The following CAMKMT variants were observed in gnomAD, a reference collection of about 807,000 sequenced individuals.
CAMKMT encodes the protein CaM KMT.
Under a neutral mutation model 48.0 loss-of-function variants are expected in CAMKMT, and 53 were observed. That is an observed-to-expected ratio of 1.10 (90% CI 0.89 to 1.39). The LOEUF (loss-of-function observed/expected upper bound fraction) is 1.39, where lower values mean the gene tolerates loss of function less well. Ranked by LOEUF, CAMKMT falls within the 40% of genes most tolerant of loss-of-function variation. The pLI is 0.00. For missense variants in CAMKMT, 428 were observed against 402.7 expected, an observed-to-expected ratio of 1.06 and a Z score of -0.54; for synonymous variants, 165 against 152.3, an observed-to-expected ratio of 1.08 and a Z score of -0.61.
chr2:44,444,111 A>G (rs1277828467), intron 3 of CAMKMT, among the ~76,000 whole-genome samples: 1 of 152,192 alleles, frequency 6.6e-6, no homozygotes, highest in Non-Finnish European at 1.5e-5. Flanking sequence ...GATTTATTCT[A>G]AACTTTTCTA....
At chr2:44,367,003 G>A (rs1178902766) in intron 1 of CAMKMT, among the ~76,000 whole-genome samples, 6 of 152,124 alleles carry the variant, frequency 3.9e-5, no homozygotes, top group East Asian at 3.8e-4. Context: ...GGGATTACAC[G>A]TGTGAGCCAC....
At chr2:44,506,201 C>T (rs183969204) in intron 3 of CAMKMT, among the ~76,000 whole-genome samples, 262 of 152,086 alleles carry the variant, frequency 1.7e-3, no homozygotes, top group African/African-American at 6.0e-3. Context: ...AAAGAAGGAG[C>T]AAATGGTAAA....
intron 3 of CAMKMT, among the ~76,000 whole-genome samples, chr2:44,427,263 G>A (rs1437231404): frequency 6.6e-6 from 1 of 152,104 alleles, no homozygotes; most frequent in Non-Finnish European, 1.5e-5. Flanking sequence ...AATAATGTAC[G>A]ACCAAGTCCT....
At chr2:44,547,662 G>T (rs1472568287) in intron 3 of CAMKMT, among the ~76,000 whole-genome samples, 1 of 152,088 alleles carries the variant, frequency 6.6e-6, no homozygotes, top group African/African-American at 2.4e-5. Context: ...TTGGGGTCTG[G>T]AATACCCAGG....
intron 2 of CAMKMT, among the ~76,000 whole-genome samples, chr2:44,386,666 C>G (rs190035378): frequency 6.6e-6 from 1 of 152,220 alleles, no homozygotes; most frequent in East Asian, 1.9e-4. Context: ...TATGAACTTT[C>G]CTCTTAGCAT....
chr2:44,642,022 C>G (rs1327859617), intron 3 of CAMKMT, among the ~76,000 whole-genome samples: 1 of 152,214 alleles, frequency 6.6e-6, no homozygotes, highest in Non-Finnish European at 1.5e-5. Flanking sequence ...CTCTGGCTTA[C>G]TATTCTGAAA....
At chr2:44,547,711 A>T (rs1160893807) in intron 3 of CAMKMT, among the ~76,000 whole-genome samples, 1 of 151,008 alleles carries the variant, frequency 6.6e-6, no homozygotes, top group African/African-American at 2.4e-5. Context: ...CCTCATTTGA[A>T]ATAATACCCA....
At chr2:44,536,629 C>T (rs1418938957) in intron 3 of CAMKMT, among the ~76,000 whole-genome samples, 2 of 151,840 alleles carry the variant, frequency 1.3e-5, no homozygotes, top group African/African-American at 4.8e-5. Flanking sequence ...CACCTGGCCT[C>T]CAACGTTATT....
chr2:44,574,389 A>C (rs933965541), intron 3 of CAMKMT, among the ~76,000 whole-genome samples: 3 of 152,150 alleles, frequency 2.0e-5, no homozygotes, highest in Non-Finnish European at 2.9e-5. Flanking sequence ...ATTATCTGAT[A>C]TCTAGCCCTA....
intron 9 of CAMKMT, among the ~76,000 whole-genome samples, chr2:44,766,181 T>C (rs1680834308): frequency 6.6e-6 from 1 of 152,198 alleles, no homozygotes; most frequent in South Asian, 2.1e-4. Flanking sequence ...CCACATTTTG[T>C]TTTTTATAAG....
At chr2:44,709,029 A>C (rs1573131440) in intron 6 of CAMKMT, among the ~76,000 whole-genome samples, 1 of 152,166 alleles carries the variant, frequency 6.6e-6, no homozygotes, top group African/African-American at 2.4e-5. Flanking sequence ...GAGCTAAACT[A>C]CAGAGCTTCC....
At chr2:44,391,296 A>C (rs1572730235) in intron 3 of CAMKMT, among the ~76,000 whole-genome samples, 1 of 152,322 alleles carries the variant, frequency 6.6e-6, no homozygotes, top group Non-Finnish European at 1.5e-5. Flanking sequence ...AAATGTCCTT[A>C]AATTATCCTA....
chr2:44,407,208 GT>G (rs747106616), intron 3 of CAMKMT, among the ~76,000 whole-genome samples: 2 of 152,116 alleles, frequency 1.3e-5, no homozygotes, highest in Admixed American at 6.5e-5. Context: ...GTCTTAGAGA[GT>G]TTTTTTCAAT....
At position 44,556,539 on chromosome 2, in the gene CAMKMT, G is replaced by A. The variant is rs1572791042; in HGVS notation, c.377-147744G>A. 8.6e-5 allele frequency among the ~76,000 whole-genome samples: 2 copies of A among 23,264 alleles called. 1 individual carries two copies. The highest frequency in any genetic ancestry group is 2.0e-4 in the Non-Finnish European group (2 of 9,976). 15.3% of individuals were successfully genotyped at this position (23,264 alleles called of 152,430 possible). ...CTGCGGACTGCAGTGGCGCAATCTC[G>A]GCTCACTGCAAGCTCCGCTTCCCGG... On this transcript the variant is annotated intron_variant, in intron 3 of 10. Coordinates refer to ENST00000378494, the MANE Select transcript of CAMKMT (RefSeq NM_024766.5).
At chr2:44,393,002 T>C (rs1681494265) in intron 3 of CAMKMT, among the ~76,000 whole-genome samples, 1 of 152,140 alleles carries the variant, frequency 6.6e-6, no homozygotes, top group South Asian at 2.1e-4. Context: ...AACTAAAACA[T>C]TTTCTAGTCA....
At chr2:44,698,946 T>C (rs1677114467) in intron 3 of CAMKMT, among the ~76,000 whole-genome samples, 1 of 152,216 alleles carries the variant, frequency 6.6e-6, no homozygotes, top group Non-Finnish European at 1.5e-5. Flanking sequence ...CAGGAATTGA[T>C]TCCATCTTAA....
intron 3 of CAMKMT, among the ~76,000 whole-genome samples, chr2:44,409,082 T>C (rs1183641579): frequency 4.5e-3 from 3 of 666 alleles, no homozygotes; most frequent in Non-Finnish European, 7.8e-3. Context: ...TTTCAGCCGA[T>C]ATATATATAT....
intron 3 of CAMKMT, among the ~76,000 whole-genome samples, chr2:44,471,734 TCTCA>T (rs1004724518): frequency 1.3e-5 from 2 of 152,066 alleles, no homozygotes; most frequent in African/African-American, 2.4e-5. Flanking sequence ...AAGTATGGAG[TCTCA>T]CTCTGTTGCC....
At chr2:44,620,938 A>G (rs972962476) in intron 3 of CAMKMT, among the ~76,000 whole-genome samples, 10 of 152,318 alleles carry the variant, frequency 6.6e-5, no homozygotes, top group Non-Finnish European at 1.3e-4. Flanking sequence ...GATTGCTAAG[A>G]AAATAAAGTG....
Sources: gnomAD v4.1 joint callset for allele counts (sites outside exome capture counted in the v4.1 genomes callset) on GRCh38, gnomAD v4.1.1 for gene constraint, MANE v1.5 for transcripts, NCBI Gene and HGNC (gene_info 2026-07-23, HGNC 2026-07-21) for gene names.